The following TMPRSS2 variants were observed in gnomAD, a reference collection of about 807,000 sequenced individuals.
The protein encoded by TMPRSS2 is transmembrane protease serine 2.
Under a neutral mutation model 67.4 loss-of-function variants are expected in TMPRSS2, and 59 were observed. The ratio of observed to expected loss-of-function variants is 0.88; its 90% CI spans 0.71 to 1.09. TMPRSS2 has a LOEUF of 1.09. Among genes scored for constraint, TMPRSS2 ranks in the 50% least tolerant of loss-of-function variants. The pLI is 0.00. For synonymous variants in TMPRSS2, 257 were observed against 257.0 expected (o/e 1.00, Z 0.00); for missense variants, 668 against 642.7 (o/e 1.04, Z -0.43).
chr21:41,499,488 A>G (rs1418216524), intron 1 of TMPRSS2, among the ~76,000 whole-genome samples: 1 of 152,224 alleles, frequency 6.6e-6, no homozygotes, highest in East Asian at 1.9e-4. Context: ...ATCACTCTGG[A>G]TATCTGATCG....
At chr21:41,482,605 G>A (rs2091264664) in intron 5 of TMPRSS2, among the ~76,000 whole-genome samples, 1 of 152,156 alleles carries the variant, frequency 6.6e-6, no homozygotes, top group Non-Finnish European at 1.5e-5. Context: ...TGGTACCTGT[G>A]GGCTTGTTCC....
chr21:41,498,756 G>A (rs562776963), intron 1 of TMPRSS2, among the ~76,000 whole-genome samples: 27 of 152,344 alleles, frequency 1.8e-4, no homozygotes, highest in African/African-American at 6.5e-4. Flanking sequence ...GCCCAGGAGG[G>A]AAAGACCTGG....
At chr21:41,490,252 A>G (rs1402589991) in intron 3 of TMPRSS2, among the ~76,000 whole-genome samples, 3 of 152,128 alleles carry the variant, frequency 2.0e-5, no homozygotes, top group African/African-American at 7.2e-5. Context: ...AATTACAAGC[A>G]TAAGCAAAAT....
chr21:41,473,240 G>C (rs73230068), intron 9 of TMPRSS2, 85 bp downstream of exon 9: 46,244 of 1,415,526 alleles, frequency 0.033, 924 homozygotes, highest in Middle Eastern at 0.049. Context: ...TGCCGGGGCT[G>C]CAAGGGTTGA....
intron 9 of TMPRSS2, among the ~76,000 whole-genome samples, chr21:41,472,680 G>A (rs1401866297): frequency 2.0e-5 from 3 of 152,172 alleles, no homozygotes; most frequent in African/African-American, 7.2e-5. Flanking sequence ...TGAGTGAATC[G>A]TCTAAGGGCA....
At chr21:41,495,843 G>A (rs1351158488) in intron 2 of TMPRSS2, among the ~76,000 whole-genome samples, 1 of 151,716 alleles carries the variant, frequency 6.6e-6, no homozygotes, top group Non-Finnish European at 1.5e-5. Flanking sequence ...CCCACCCCAG[G>A]GCTTCTGCAT....
At chr21:41,471,668 C>T in intron 10 of TMPRSS2, 138 bp downstream of exon 10, 1 of 952,548 alleles carries the variant, frequency 1.0e-6, no homozygotes, top group East Asian at 2.6e-5. Context: ...GTGAGCCTCT[C>T]CCATTGGCCA....
rs777199120 is a variant in TMPRSS2 at position 41,473,450 on chromosome 21, G to T, written c.774C>A (p.Gly258=). The T allele has an allele frequency of 1.9e-6, 3 of 1,610,010 alleles. No individual in the cohort carries two copies. In the South Asian group the frequency reaches 3.3e-5, roughly 18 times the overall value. The part of the protein sequence containing the change: ...LNSSRQSRIV[G]GESALPGAWP... ...AGGCCCCCGGGAGCGCGCTCTCGCC[G>T]CCCACAATCCTGCTCTGGCGGCTTG... Residue 258 remains glycine, a synonymous_variant, in exon 9 of 14, where the codon GGC becomes GGA. Transcript: ENST00000332149.
intron 6 of TMPRSS2, 51 bp from the exon 7 acceptor site, chr21:41,479,333 A>T (rs774506414): frequency 7.3e-7 from 1 of 1,374,016 alleles, no homozygotes; most frequent in Admixed American, 1.7e-5. Context: ...AAGCAAACAC[A>T]AATCCTATAC....
At chr21:41,473,742 C>T (rs2091156928) in intron 8 of TMPRSS2, among the ~76,000 whole-genome samples, 1 of 151,294 alleles carries the variant, frequency 6.6e-6, no homozygotes, top group Non-Finnish European at 1.5e-5. Context: ...TCTCCCGGGA[C>T]CCAGGTGGGG....
intron 1 of TMPRSS2, among the ~76,000 whole-genome samples, chr21:41,498,413 C>A (rs2091401038): frequency 6.6e-6 from 1 of 152,286 alleles, no homozygotes. Flanking sequence ...CAGAAGCACT[C>A]TCCTCTGGGA....
At chr21:41,475,955 G>A (rs1344671164) in intron 8 of TMPRSS2, among the ~76,000 whole-genome samples, 1 of 151,974 alleles carries the variant, frequency 6.6e-6, no homozygotes, top group Non-Finnish European at 1.5e-5. Flanking sequence ...ATGAAAAGCT[G>A]AGCTCAGGAC....
At chr21:41,480,455 C>G (rs79397218) in intron 6 of TMPRSS2, 21 bp downstream of exon 6, 2 of 1,609,068 alleles carry the variant, frequency 1.2e-6, no homozygotes, top group Non-Finnish European at 1.7e-6. Flanking sequence ...TGTCACTCGG[C>G]GGGTGCTGCC....
intron 5 of TMPRSS2, among the ~76,000 whole-genome samples, chr21:41,485,793 C>T (rs919184157): frequency 2.0e-5 from 3 of 152,172 alleles, no homozygotes; most frequent in Admixed American, 2.0e-4. Context: ...GCAAATGCAT[C>T]ATTTTCAAGT....
At chr21:41,482,366 G>A (rs573986970) in intron 5 of TMPRSS2, among the ~76,000 whole-genome samples, 4 of 152,298 alleles carry the variant, frequency 2.6e-5, no homozygotes, top group African/African-American at 9.6e-5. Flanking sequence ...TAAGGGTTAA[G>A]CAGAGCATCA....
chr21:41,468,002 T>C, intron 12 of TMPRSS2, 116 bp from the exon 13 acceptor site: 2 of 1,122,558 alleles, frequency 1.8e-6, no homozygotes, highest in Admixed American at 2.1e-5. Context: ...TACGAGTGAC[T>C]GTGTGGGCTT....
chr21:41,479,747 T>C (rs1368151249), intron 6 of TMPRSS2, among the ~76,000 whole-genome samples: 2 of 152,126 alleles, frequency 1.3e-5, no homozygotes, highest in Non-Finnish European at 2.9e-5. Flanking sequence ...AACTGGCATA[T>C]TGAATACCCT....
chr21:41,495,626 C>CA (rs11336247), intron 2 of TMPRSS2, among the ~76,000 whole-genome samples: 21,210 of 128,164 alleles, frequency 0.17, 1,791 homozygotes, highest in Non-Finnish European at 0.2. Context: ...ACTCCCGTCT[C>CA]AAAAAAAAAA....
intron 1 of TMPRSS2, among the ~76,000 whole-genome samples, chr21:41,500,389 G>C (rs901436235): frequency 6.6e-6 from 1 of 152,166 alleles, no homozygotes; most frequent in Non-Finnish European, 1.5e-5. Context: ...GTTTGCCTTC[G>C]GTAAGTATTC....
Sources: allele counts gnomAD v4.1 joint callset (sites outside exome capture counted in the v4.1 genomes callset), GRCh38; gene constraint gnomAD v4.1.1; transcripts MANE v1.5; gene names NCBI Gene and HGNC (gene_info 2026-07-23, HGNC 2026-07-21).